The following PRKCG variants were observed in gnomAD, a reference collection of about 807,000 sequenced individuals.
PRKCG encodes the protein protein kinase C gamma.
Under a neutral mutation model 82.0 loss-of-function variants are expected in PRKCG, and 28 were observed. The observed-to-expected ratio is 0.34, with a 90% CI of 0.25 to 0.47. PRKCG has a LOEUF of 0.47. Among genes scored for constraint, PRKCG ranks in the 20% least tolerant of loss-of-function variants. The pLI, the probability that PRKCG is intolerant of heterozygous loss-of-function variation, is 1.00. For synonymous variants in PRKCG, 383 were observed against 376.6 expected (o/e 1.02, Z -0.20); for missense variants, 640 against 952.7 (o/e 0.67, Z 4.32).
Position 53,889,508 on chromosome 19 carries a change from A to T in PRKCG, c.286-130A>T. ...CAGCAGGTGCTCAATGATTATTGGT[A>T]CATAGAGTGAAAGAGATGGAGCCTC... On this transcript the variant is annotated intron_variant, in intron 3 of 17. Transcript: ENST00000263431. The surrounding 1 kb of genome is among the most constrained non-coding windows in gnomAD (Gnocchi z 4.4). 1 of 707,968 alleles carries T rather than the reference A, an allele frequency of 1.4e-6. No homozygotes were observed. The highest frequency in any genetic ancestry group is 2.6e-6 in the Non-Finnish European group (1 of 388,834). 43.9% of individuals were successfully genotyped at this position (707,968 alleles called of 1,614,324 possible). A position where few individuals can be genotyped will look rare whatever the true frequency, so the allele number is the denominator to read the frequency against.
At chr19:53,901,862 A>AAG (rs2068766775) in intron 14 of PRKCG, among the ~76,000 whole-genome samples, 2 of 151,540 alleles carry the variant, frequency 1.3e-5, no homozygotes, top group African/African-American at 4.9e-5. Context: ...AAAAAAAAAA[A>AAG]AAAAGAAAAA....
At chr19:53,897,280 AG>A (rs2068724556) in intron 9 of PRKCG, among the ~76,000 whole-genome samples, 1 of 152,188 alleles carries the variant, frequency 6.6e-6, no homozygotes, top group African/African-American at 2.4e-5. Context: ...TGCATTAGAA[AG>A]GGCAGCCGTC....
Position 53,883,376 on chromosome 19 carries a change from C to T in PRKCG, c.202+182C>T, listed in dbSNP as rs970931297. Among the ~76,000 whole-genome samples the T allele has an allele frequency of 2.1e-5, 3 of 146,060 alleles. No homozygotes were observed. Among genetic ancestry groups the T allele is most frequent in the Non-Finnish European group, 4.5e-5 (3 of 66,558 alleles). On this transcript the variant is annotated intron_variant, in intron 2 of 17. Coordinates refer to ENST00000263431, the MANE Select transcript of PRKCG (RefSeq NM_002739.5). The surrounding 1 kb of genome is among the most constrained non-coding windows in gnomAD (Gnocchi z 5.4). The stretch of plus-strand genomic sequence containing the variant: ...GGGAGCTTTGATGGTGGGGCCACCG[C>T]GGAGGTGGTGCTGGGGGCCCCTCCC...
intron 9 of PRKCG, among the ~76,000 whole-genome samples, chr19:53,896,996 G>A (rs1456588703): frequency 1.3e-5 from 2 of 152,146 alleles, no homozygotes; most frequent in African/African-American, 2.4e-5. Context: ...AACTAGGAGG[G>A]AAGGGGAGGG....
In PRKCG at chr19:53,892,509, C is replaced by A; in HGVS notation, c.687C>A (p.Phe229Leu). ...CCCCATCCACCCCACCTTCCTGCAG[C>A]AACCTGAAGCCAGGGGATGTGGAGC... ...LNPVWNETFVFNLKPGDVERR... is the reference protein window; with the variant it reads ...LNPVWNETFVLNLKPGDVERR... Residue 229 changes from phenylalanine (F) to leucine (L), a missense_variant and splice_region_variant, in exon 7 of 18, where the codon TTC (phenylalanine) becomes TTA (leucine). Coordinates refer to ENST00000263431, the MANE Select transcript of PRKCG (RefSeq NM_002739.5). The surrounding 1 kb of genome is among the most constrained non-coding windows in gnomAD (Gnocchi z 5.9). 1 of 1,611,322 alleles carries A rather than the reference C, an allele frequency of 6.2e-7. No homozygotes were observed. Among genetic ancestry groups the A allele is most frequent in the Non-Finnish European group, 8.5e-7 (1 of 1,179,408 alleles).
chr19:53,900,217 A>G lies in PRKCG; in HGVS notation c.1282-16A>G, dbSNP rs766299815. Reference sequence around the variant, plus strand: ...GTAGATGGATCCCGCCTCTAAGCCCATGCACTTCTCCGCAGGACCGCCTGT... The same window carrying G: ...GTAGATGGATCCCGCCTCTAAGCCCGTGCACTTCTCCGCAGGACCGCCTGT... On this transcript the variant is annotated splice_polypyrimidine_tract_variant and intron_variant, in intron 11 of 17. Transcript: ENST00000263431. The surrounding 1 kb of genome is among the most constrained non-coding windows in gnomAD (Gnocchi z 4.2). 3.8e-5 allele frequency: 62 copies of G among 1,610,406 alleles called. No homozygotes were observed. The highest frequency in any genetic ancestry group is 2.0e-4 in the Admixed American group (12 of 60,002).
At chr19:53,893,439 C>T (rs1188979728) in intron 9 of PRKCG, 48 bp downstream of exon 9, 4 of 1,563,516 alleles carry the variant, frequency 2.6e-6, no homozygotes, top group South Asian at 1.1e-5. Context: ...GCCTACTTCT[C>T]TGATTTCTTA....
chr19:53,882,185 C>T (rs1293932110), upstream of PRKCG: 4 of 398,444 alleles, frequency 1.0e-5, no homozygotes, highest in East Asian at 2.9e-4. The surrounding 1 kb of genome is among the most constrained non-coding windows in gnomAD (Gnocchi z 6.1). Flanking sequence ...CCTCCCCCAA[C>T]CCGGGGCTCC....
intron 3 of PRKCG, among the ~76,000 whole-genome samples, chr19:53,888,536 A>G (rs1485503613): frequency 6.6e-6 from 1 of 152,170 alleles, no homozygotes; most frequent in Non-Finnish European, 1.5e-5. Flanking sequence ...ACTTGCCCCA[A>G]ATCACACAGC....
rs775030801 is a variant in PRKCG at position 53,906,300 on chromosome 19, C to T, written c.1765-17C>T. ...TCTGTCTGTTTGTCTGTCTGTCTCT[C>T]TCTGTGTTTCCCACAGTTCCTGACC... On this transcript the variant is annotated splice_polypyrimidine_tract_variant and intron_variant, in intron 16 of 17. Coordinates refer to ENST00000263431, the MANE Select transcript of PRKCG (RefSeq NM_002739.5). 3.2e-6 allele frequency: 5 copies of T among 1,551,168 alleles called. No homozygotes were observed. In the African/African-American group the frequency reaches 5.5e-5, roughly 17 times the overall value.
Position 53,898,432 on chromosome 19 carries a change from G to A in PRKCG, c.1093-8G>A. On this transcript the variant is annotated splice_region_variant and splice_polypyrimidine_tract_variant and intron_variant, in intron 10 of 17. Transcript: ENST00000263431. ...CATGGACTGGCCCTTTTGGAACTGT[G>A]CGCATAGGTGATGCTGGCCGAGCGC... is the stretch of plus-strand genomic sequence containing the variant. The A allele has an allele frequency of 6.2e-7, 1 of 1,613,990 alleles. No individual in the cohort carries two copies. Among genetic ancestry groups the A allele is most frequent in the Non-Finnish European group, 8.5e-7 (1 of 1,180,030 alleles).
At chr19:53,905,490 T>C (rs1486905069) in intron 16 of PRKCG, among the ~76,000 whole-genome samples, 1 of 151,700 alleles carries the variant, frequency 6.6e-6, no homozygotes. Flanking sequence ...GGGTGTGTGT[T>C]TCCTGGGTCT....
intron 3 of PRKCG, among the ~76,000 whole-genome samples, chr19:53,888,760 A>T (rs142624894): frequency 6.6e-6 from 1 of 152,168 alleles, no homozygotes; most frequent in East Asian, 1.9e-4. Context: ...AAGGCATACC[A>T]TATGGACACT....
rs1026382520 is a variant in PRKCG, at chr19:53,882,758, T to A, written c.170+94T>A. 6.7e-7 allele frequency: 1 copy of A among 1,498,084 alleles called. No homozygotes were observed. 92.8% of individuals were successfully genotyped at this position (1,498,084 alleles called of 1,614,324 possible). ...CCTGTGGAAGGAAGAAGGAGGGGGCTGTAGTCCCGACTCCCAGGTTCTAGG... is the reference window on the plus strand; with the variant it reads ...CCTGTGGAAGGAAGAAGGAGGGGGCAGTAGTCCCGACTCCCAGGTTCTAGG... On this transcript the variant is annotated intron_variant, in intron 1 of 17. Transcript: ENST00000263431. The surrounding 1 kb of genome is among the most constrained non-coding windows in gnomAD (Gnocchi z 6.1).
chr19:53,899,822 G>A (rs60331830), intron 11 of PRKCG, among the ~76,000 whole-genome samples: 7,419 of 152,174 alleles, frequency 0.049, 578 homozygotes, highest in African/African-American at 0.16. Context: ...CCTGACCTCA[G>A]GTGATCCACC....
Position 53,903,305 on chromosome 19 carries a change from G to GTTTTGT in PRKCG, c.1656+156_1656+161dup, listed in dbSNP as rs530702516. 782 of 679,726 alleles carry GTTTTGT rather than the reference G, an allele frequency of 1.2e-3. 3 individuals carry two copies. Among genetic ancestry groups the GTTTTGT allele is most frequent in the Non-Finnish European group, 1.9e-3 (718 of 373,566 alleles). The allele number at this position is 679,726 out of a possible 1,614,324, so 42.1% of individuals were successfully genotyped here. On this transcript the variant is annotated intron_variant, in intron 15 of 17. Transcript: ENST00000263431. ...AGTGTTGTCTTAATGTAGACCAGGT[G>GTTTTGT]TTTTGTTTTGTTTTGTTTTGTTTGT...
intron 3 of PRKCG, among the ~76,000 whole-genome samples, chr19:53,887,948 G>C (rs1001292655): frequency 1.3e-5 from 2 of 152,180 alleles, no homozygotes; most frequent in African/African-American, 4.8e-5. Flanking sequence ...GCTTTGAAAA[G>C]GGGCAGGCGT....
At chr19:53,891,544 A>G (rs1406239952) in intron 5 of PRKCG, 130 bp from the exon 6 acceptor site, 2 of 1,168,552 alleles carry the variant, frequency 1.7e-6, no homozygotes, top group East Asian at 4.9e-5. Context: ...GGCCTCCCAA[A>G]GTGCTGGGAT....
rs1263114447 is a variant in PRKCG, at chr19:53,900,358, G to C, written c.1373+34G>C. On this transcript the variant is annotated intron_variant, in intron 12 of 17. Transcript: ENST00000263431. This position sits in a 1 kb window ranked among gnomAD's most constrained non-coding sequence, Gnocchi z 4.2. ...CGGCCAACAGAGAATGGTCGGGGTGGTGGAAGGGGGCAGGATCCAGCCACT... is the reference window on the plus strand; with the variant it reads ...CGGCCAACAGAGAATGGTCGGGGTGCTGGAAGGGGGCAGGATCCAGCCACT... 1 of 1,613,978 alleles carries C rather than the reference G, an allele frequency of 6.2e-7. No individual in the cohort carries two copies. The highest frequency in any genetic ancestry group is 2.2e-5 in the East Asian group (1 of 44,860).
Sources: gnomAD v4.1 joint callset for allele counts (sites outside exome capture counted in the v4.1 genomes callset) on GRCh38, gnomAD v4.1.1 for gene constraint, Gnocchi (gnomAD v3.1) non-coding constraint, MANE v1.5 for transcripts, NCBI Gene and HGNC (gene_info 2026-07-23, HGNC 2026-07-21) for gene names.